The following FBLN7 variants were observed in gnomAD, a reference collection of about 807,000 sequenced individuals.
FBLN7 encodes the protein fibulin 7, also known as fibulin-7.
In FBLN7, 31 loss-of-function variants were observed where a neutral mutation model predicts 44.0. That is an observed-to-expected ratio of 0.70 (90% CI 0.53 to 0.95). FBLN7 has a LOEUF of 0.95. Among genes scored for constraint, FBLN7 ranks in the 40% least tolerant of loss-of-function variants. The pLI is 0.00. For synonymous variants in FBLN7, 262 were observed against 253.4 expected, an observed-to-expected ratio of 1.03 and a Z score of -0.32; for missense variants, 573 against 618.5, an observed-to-expected ratio of 0.93 and a Z score of 0.78.
chr2:112,198,144 C>G, the FBLN7 span, among the ~76,000 whole-genome samples: 23 of 152,198 alleles, frequency 1.5e-4, no homozygotes, highest in East Asian at 4.4e-3. Context: ...CTGTCTCCCT[C>G]CTCTGTAACA....
chr2:112,187,847 G>T lies in FBLN7; in HGVS notation c.*341G>T, dbSNP rs1683348835. 6.8e-6 allele frequency: 3 copies of T among 438,426 alleles called. No homozygotes were observed. In the South Asian group the frequency reaches 1.5e-4, roughly 21 times the overall value. The allele number at this position is 438,426 out of a possible 1,614,324, so 27.2% of individuals were successfully genotyped here. On this transcript the variant is annotated 3_prime_UTR_variant, in exon 8 of 8. Coordinates refer to ENST00000331203, the MANE Select transcript of FBLN7 (RefSeq NM_153214.3). The surrounding 1 kb of genome is among the most constrained non-coding windows in gnomAD (Gnocchi z 5.1). ...TTTGAACTAGCTGGGGAGAGAAAAG[G>T]TGGCAATGTGTGTCAGGTGACTATC...
chr2:112,163,634 T>C (rs754465656), intron 2 of FBLN7, among the ~76,000 whole-genome samples: 2 of 152,218 alleles, frequency 1.3e-5, no homozygotes, highest in Non-Finnish European at 2.9e-5. Context: ...ATGTCCCTCA[T>C]GCTCAGCTAC....
chr2:112,160,744 A>G (rs796208364), intron 2 of FBLN7, among the ~76,000 whole-genome samples: 48 of 76,428 alleles, frequency 6.3e-4, no homozygotes, highest in African/African-American at 1.1e-3. Context: ...ACACGCACAC[A>G]CGCGCACGCA....
At chr2:112,203,037 A>AAAAC in the FBLN7 span, among the ~76,000 whole-genome samples, 1 of 152,188 alleles carries the variant, frequency 6.6e-6, no homozygotes, top group Non-Finnish European at 1.5e-5. Context: ...GCAAAAAACA[A>AAAAC]AAACAAACAA....
intron 4 of FBLN7, among the ~76,000 whole-genome samples, chr2:112,179,053 G>C (rs1254702557): frequency 6.6e-6 from 1 of 152,190 alleles, no homozygotes. Flanking sequence ...AACTATCTCT[G>C]TTTGCAGATG....
chr2:112,237,759 G>C, the FBLN7 span, among the ~76,000 whole-genome samples: 5 of 151,512 alleles, frequency 3.3e-5, no homozygotes, highest in South Asian at 6.2e-4. Flanking sequence ...TTATTTTTAG[G>C]TTTCACCATG....
chr2:112,218,679 TAG>T, the FBLN7 span, among the ~76,000 whole-genome samples: 9 of 151,616 alleles, frequency 5.9e-5, no homozygotes, highest in Non-Finnish European at 1.2e-4. Flanking sequence ...TTTGGAAACA[TAG>T]AGAGAGAGAG....
the FBLN7 span, among the ~76,000 whole-genome samples, chr2:112,228,534 C>T: frequency 6.7e-6 from 1 of 149,610 alleles, no homozygotes; most frequent in African/African-American, 2.4e-5. Context: ...GACAATTGGA[C>T]ATCTACATGT....
In FBLN7 at chr2:112,138,582, G is replaced by T. The variant is rs1281732700; in HGVS notation, c.-74G>T. On this transcript the variant is annotated 5_prime_UTR_variant, in exon 1 of 8. Coordinates refer to ENST00000331203, the MANE Select transcript of FBLN7 (RefSeq NM_153214.3). Reference sequence around the variant, plus strand: ...CCCGCACCCTGCAGGGACGGCTGCCGCATCGCTGGGACAAACTCGGCAGCG... The same window carrying T: ...CCCGCACCCTGCAGGGACGGCTGCCTCATCGCTGGGACAAACTCGGCAGCG... 1.9e-6 allele frequency: 3 copies of T among 1,547,982 alleles called. No individual in the cohort carries two copies. The African/African-American group carries it at 4.1e-5, about 21-fold the overall frequency.
At chr2:112,194,125 T>A in the FBLN7 span, among the ~76,000 whole-genome samples, 36,631 of 152,126 alleles carry the variant, frequency 0.24, 5,401 homozygotes, top group Middle Eastern at 0.41. Flanking sequence ...TAAGGGTCAC[T>A]CACATGTCTG....
chr2:112,213,891 A>G, the FBLN7 span: 1 of 151,092 alleles, frequency 6.6e-6, no homozygotes, highest in Non-Finnish European at 1.5e-5. Context: ...AATTTTAGAA[A>G]TGAGAATTCT....
At chr2:112,194,103 G>T in the FBLN7 span, among the ~76,000 whole-genome samples, 1 of 152,176 alleles carries the variant, frequency 6.6e-6, no homozygotes, top group African/African-American at 2.4e-5. Flanking sequence ...ATGCCTGGGG[G>T]CTAGGGTTAC....
chr2:112,217,492 C>T, the FBLN7 span, among the ~76,000 whole-genome samples: 1 of 152,090 alleles, frequency 6.6e-6, no homozygotes, highest in African/African-American at 2.4e-5. Flanking sequence ...CATTAAAATC[C>T]ATTGGTCTTT....
chr2:112,186,057 A>G (rs975175645), intron 7 of FBLN7, among the ~76,000 whole-genome samples: 1 of 152,152 alleles, frequency 6.6e-6, no homozygotes, highest in Non-Finnish European at 1.5e-5. Flanking sequence ...GATTAGAAGC[A>G]GCAAGAAACT....
At chr2:112,230,716 C>A in the FBLN7 span, 2 of 260,080 alleles carry the variant, frequency 7.7e-6, no homozygotes, top group Non-Finnish European at 1.4e-5. Flanking sequence ...ATAGACAAGC[C>A]CACACAAGGA....
the FBLN7 span, among the ~76,000 whole-genome samples, chr2:112,207,752 GTTA>G: frequency 6.6e-6 from 1 of 152,124 alleles, no homozygotes; most frequent in Admixed American, 6.5e-5. Flanking sequence ...CACCCCTTTT[GTTA>G]TTATGCAGTG....
At chr2:112,180,112 G>A (rs1682910221) in intron 4 of FBLN7, among the ~76,000 whole-genome samples, 1 of 152,132 alleles carries the variant, frequency 6.6e-6, no homozygotes, top group Non-Finnish European at 1.5e-5. Flanking sequence ...CTAATATCCA[G>A]CGTCTATAAG....
Position 112,187,048 on chromosome 2 carries a change from A to G in FBLN7, c.948-86A>G. ...GAAAGGTCATCTAGGTGGCCTCTGC[A>G]AGAGGGCAGGTGGGCAGCCGGGTCA... On this transcript the variant is annotated intron_variant, in intron 7 of 7. Transcript: ENST00000331203. This position sits in a 1 kb window ranked among gnomAD's most constrained non-coding sequence, Gnocchi z 5.1. 1 of 1,533,052 alleles carries G rather than the reference A, an allele frequency of 6.5e-7. No individual in the cohort carries two copies. The highest frequency in any genetic ancestry group is 8.8e-7 in the Non-Finnish European group (1 of 1,134,532). The allele number at this position is 1,533,052 out of a possible 1,614,324, so 95.0% of individuals were successfully genotyped here.
In FBLN7 at chr2:112,160,658, G is replaced by GCACACGCAGA. The variant is rs111608133; in HGVS notation, c.235+824_235+825insACACGCAGAC. 3.6e-5 allele frequency among the ~76,000 whole-genome samples: 5 copies of GCACACGCAGA among 137,860 alleles called. 1 individual carries two copies. Among genetic ancestry groups the GCACACGCAGA allele is most frequent in the East Asian group, 2.1e-4 (1 of 4,740 alleles). 90.4% of individuals were successfully genotyped at this position (137,860 alleles called of 152,430 possible). On this transcript the variant is annotated intron_variant, in intron 2 of 7. Coordinates refer to ENST00000331203, the MANE Select transcript of FBLN7 (RefSeq NM_153214.3). ...CGTGCACACACACGCGCACGCACACGCGCACGCACACGCACACGCAGACGC... is the reference window on the plus strand; with the variant it reads ...CGTGCACACACACGCGCACGCACACGCACACGCAGACGCACGCACACGCACACGCAGACGC...
Sources: gnomAD v4.1 joint callset for allele counts (sites outside exome capture counted in the v4.1 genomes callset) on GRCh38, gnomAD v4.1.1 for gene constraint, Gnocchi (gnomAD v3.1) non-coding constraint, MANE v1.5 for transcripts, NCBI Gene and HGNC (gene_info 2026-07-23, HGNC 2026-07-21) for gene names.